The following JAK2 variants were observed in gnomAD, a reference collection of about 807,000 sequenced individuals.
JAK2 encodes Janus kinase 2.
JAK2 carries 86 observed loss-of-function variants against 139.3 expected under a neutral mutation model. The observed-to-expected ratio is 0.62, with a 90% CI of 0.52 to 0.74. JAK2 has a LOEUF of 0.74. Among genes scored for constraint, JAK2 ranks in the 30% least tolerant of loss-of-function variants. The pLI is 0.00. For synonymous variants in JAK2, 490 were observed against 437.7 expected (o/e 1.12, Z -1.49); for missense variants, 1,421 against 1,360.3 (o/e 1.04, Z -0.70).
At chr9:5,084,248 G>A (rs974251457) in intron 19 of JAK2, among the ~76,000 whole-genome samples, 1 of 152,116 alleles carries the variant, frequency 6.6e-6, no homozygotes, top group Non-Finnish European at 1.5e-5. Context: ...ATATTTTAAT[G>A]TGGATATTTC....
intron 3 of JAK2, among the ~76,000 whole-genome samples, chr9:5,026,094 T>A (rs1293447697): frequency 1.3e-5 from 2 of 152,362 alleles, no homozygotes; most frequent in East Asian, 3.9e-4. Context: ...TGGATTTTTA[T>A]CATGTCCATC....
intron 22 of JAK2, chr9:5,114,322 C>A (rs1426505250): frequency 5.5e-6 from 3 of 541,580 alleles, no homozygotes; most frequent in South Asian, 1.6e-5. Context: ...AGTGGGAAGT[C>A]TGTGGCTCAG....
intron 10 of JAK2, among the ~76,000 whole-genome samples, chr9:5,067,332 T>A (rs1292724170): frequency 1.3e-5 from 2 of 152,192 alleles, no homozygotes; most frequent in Non-Finnish European, 2.9e-5. Flanking sequence ...CCACTGTTAA[T>A]ACAGATCATT....
At chr9:5,087,600 T>C (rs577512539) in intron 19 of JAK2, among the ~76,000 whole-genome samples, 4 of 152,340 alleles carry the variant, frequency 2.6e-5, no homozygotes, top group African/African-American at 9.6e-5. Flanking sequence ...CATTCCGAAT[T>C]AAAAGTGAGA....
At chr9:4,999,874 G>A (rs1820828812) in intron 2 of JAK2, among the ~76,000 whole-genome samples, 1 of 152,260 alleles carries the variant, frequency 6.6e-6, no homozygotes, top group East Asian at 1.9e-4. Context: ...AGATATGCAT[G>A]CTACTACTCC....
intron 3 of JAK2, among the ~76,000 whole-genome samples, chr9:5,024,232 G>A (rs963297793): frequency 6.6e-6 from 1 of 152,088 alleles, no homozygotes; most frequent in African/African-American, 2.4e-5. Flanking sequence ...CTCCAGCCTG[G>A]GCGACAGAGC....
At chr9:5,048,793 T>A (rs1208745493) in intron 5 of JAK2, among the ~76,000 whole-genome samples, 1 of 152,208 alleles carries the variant, frequency 6.6e-6, no homozygotes, top group Non-Finnish European at 1.5e-5. Flanking sequence ...TTTAATTTCA[T>A]GAGACAAGTT....
At chr9:5,009,188 G>A (rs979476728) in intron 2 of JAK2, among the ~76,000 whole-genome samples, 2 of 152,188 alleles carry the variant, frequency 1.3e-5, no homozygotes, top group African/African-American at 2.4e-5. Flanking sequence ...TGGGTGGTCC[G>A]AGGCTCAGAC....
chr9:5,121,432 T>C (rs1414570573), intron 22 of JAK2, among the ~76,000 whole-genome samples: 3 of 152,184 alleles, frequency 2.0e-5, no homozygotes, highest in Non-Finnish European at 2.9e-5. Flanking sequence ...ACTTTGCTAA[T>C]TGGCTTTATA....
chr9:5,049,672 C>G (rs1343883377), intron 5 of JAK2, among the ~76,000 whole-genome samples: 1 of 152,176 alleles, frequency 6.6e-6, no homozygotes, highest in African/African-American at 2.4e-5. Context: ...GAGACCACAT[C>G]TTATACAGTC....
chr9:5,009,487 A>G (rs1821545508), intron 2 of JAK2, among the ~76,000 whole-genome samples: 2 of 151,786 alleles, frequency 1.3e-5, no homozygotes, highest in South Asian at 4.2e-4. Flanking sequence ...CCTTTTTCAT[A>G]ATCTAGTGAT....
At chr9:5,027,210 C>T (rs1050263578) in intron 3 of JAK2, among the ~76,000 whole-genome samples, 3 of 152,086 alleles carry the variant, frequency 2.0e-5, no homozygotes, top group Non-Finnish European at 4.4e-5. Flanking sequence ...ACTGACACAC[C>T]TCGGAGATAT....
At chr9:5,103,500 T>C (rs537739391) in intron 22 of JAK2, among the ~76,000 whole-genome samples, 1 of 151,982 alleles carries the variant, frequency 6.6e-6, no homozygotes, top group Admixed American at 6.5e-5. Context: ...CTGTCAATAA[T>C]AGACAGATCA....
chr9:5,046,320 A>G (rs1817006676), intron 5 of JAK2, among the ~76,000 whole-genome samples: 1 of 152,184 alleles, frequency 6.6e-6, no homozygotes, highest in African/African-American at 2.4e-5. Context: ...TCCTTATAAG[A>G]TACATGATTT....
intron 22 of JAK2, among the ~76,000 whole-genome samples, chr9:5,095,519 TAAC>T (rs1436893341): frequency 1.3e-5 from 2 of 152,028 alleles, no homozygotes; most frequent in Non-Finnish European, 2.9e-5. Flanking sequence ...TCCTTAATAA[TAAC>T]AGCCCTAGTA....
At chr9:5,043,246 C>G (rs1401051579) in intron 4 of JAK2, among the ~76,000 whole-genome samples, 1 of 152,058 alleles carries the variant, frequency 6.6e-6, no homozygotes, top group African/African-American at 2.4e-5. Context: ...TTTGCTTTAC[C>G]AAGTGTACGG....
intron 4 of JAK2, among the ~76,000 whole-genome samples, chr9:5,031,912 G>A (rs1351989726): frequency 6.6e-6 from 1 of 152,234 alleles, no homozygotes; most frequent in African/African-American, 2.4e-5. Flanking sequence ...GAAAGTGAGT[G>A]TAGGACAGTG....
intron 22 of JAK2, among the ~76,000 whole-genome samples, chr9:5,121,718 G>C (rs1823627814): frequency 6.6e-6 from 1 of 152,156 alleles, no homozygotes; most frequent in Non-Finnish European, 1.5e-5. Context: ...AATGCTCTAA[G>C]AACAAAGAAG....
chr9:5,056,100 CCT>C (rs1457169057), intron 8 of JAK2, among the ~76,000 whole-genome samples: 1 of 151,968 alleles, frequency 6.6e-6, no homozygotes, highest in African/African-American at 2.4e-5. Context: ...AATGCTCACC[CCT>C]GACTAAAATA....
Sources: allele counts gnomAD v4.1 joint callset (sites outside exome capture counted in the v4.1 genomes callset), GRCh38; gene constraint gnomAD v4.1.1; transcripts MANE v1.5; gene names NCBI Gene and HGNC (gene_info 2026-07-23, HGNC 2026-07-21).